The following METTL8 variants were observed in gnomAD, a reference collection of about 807,000 sequenced individuals.
The protein encoded by METTL8 is tRNA N(3)-cytidine methyltransferase METTL8, mitochondrial.
A neutral mutation model predicts 48.7 loss-of-function variants in METTL8; 32 were observed. The ratio of observed to expected loss-of-function variants is 0.66; its 90% CI spans 0.50 to 0.88. The LOEUF is 0.88. Among genes scored for constraint, METTL8 ranks in the 40% least tolerant of loss-of-function variants. The pLI, the probability that METTL8 is intolerant of heterozygous loss-of-function variation, is 0.00. For missense variants in METTL8, 464 were observed against 474.4 expected (o/e 0.98, Z 0.20); for synonymous variants, 136 against 157.1 (o/e 0.87, Z 1.01).
chr2:171,331,654 T>A (rs1014477565), intron 6 of METTL8, 150 bp downstream of exon 6: 1 of 585,458 alleles, frequency 1.7e-6, no homozygotes, highest in African/African-American at 1.9e-5. Context: ...TGACCCCAGG[T>A]GATCCACCCA....
chr2:171,374,164 G>A (rs532398302), intron 2 of METTL8, among the ~76,000 whole-genome samples: 23 of 152,168 alleles, frequency 1.5e-4, no homozygotes, highest in African/African-American at 3.1e-4. Flanking sequence ...GAGGTCCTTC[G>A]CATCCCTTGT....
chr2:171,341,162 T>C (rs1015210750), intron 3 of METTL8, among the ~76,000 whole-genome samples: 2 of 151,878 alleles, frequency 1.3e-5, no homozygotes, highest in African/African-American at 4.8e-5. Flanking sequence ...ACCCCATCTC[T>C]ACTAAAAATA....
chr2:171,321,399 G>A lies in METTL8; in HGVS notation c.*2773C>T, dbSNP rs1190281427. On this transcript the variant is annotated 3_prime_UTR_variant, in exon 10 of 10. Coordinates refer to ENST00000375258, the MANE Select transcript of METTL8 (RefSeq NM_001321154.2). Reference sequence around the variant, plus strand: ...CCTGAGTAGCTGGGACAACAGGTGCGTGCCACCATCACTGGCTAATTTTTG... The same window carrying A: ...CCTGAGTAGCTGGGACAACAGGTGCATGCCACCATCACTGGCTAATTTTTG... The A allele has an allele frequency of 2.6e-5, 4 of 152,116 alleles. No individual in the cohort carries two copies. The highest frequency in any genetic ancestry group is 2.1e-4 in the South Asian group (1 of 4,818). 9.4% of individuals were successfully genotyped at this position (152,116 alleles called of 1,614,324 possible).
intron 1 of METTL8, among the ~76,000 whole-genome samples, chr2:171,401,093 G>A (rs371265628): frequency 2.4e-4 from 37 of 152,178 alleles, no homozygotes; most frequent in African/African-American, 7.7e-4. Flanking sequence ...CTTTGTAACT[G>A]TTTAGCATTT....
chr2:171,391,997 A>G (rs1202240140), intron 2 of METTL8, 46 bp downstream of exon 2: 2 of 1,502,734 alleles, frequency 1.3e-6, no homozygotes, highest in Non-Finnish European at 9.0e-7. Flanking sequence ...ACCACTGGTG[A>G]TATTTAAGAA....
intron 2 of METTL8, among the ~76,000 whole-genome samples, chr2:171,381,102 C>T (rs112408837): frequency 6.6e-6 from 1 of 152,090 alleles, no homozygotes; most frequent in African/African-American, 2.4e-5. Flanking sequence ...AGAAATAAGT[C>T]CACACATCTA....
chr2:171,344,643 T>C (rs140833471), intron 3 of METTL8, among the ~76,000 whole-genome samples: 312 of 152,294 alleles, frequency 2.0e-3, no homozygotes, highest in African/African-American at 6.0e-3. Flanking sequence ...TGATGAGCAA[T>C]AGGAACATTA....
intron 2 of METTL8, among the ~76,000 whole-genome samples, chr2:171,390,033 C>A (rs1688443783): frequency 6.6e-6 from 1 of 152,176 alleles, no homozygotes; most frequent in Non-Finnish European, 1.5e-5. Context: ...AGGGCTAAGG[C>A]AGTTGGTGAC....
At position 171,342,164 on chromosome 2, in the gene METTL8, C is replaced by T. The variant is rs1028288917; in HGVS notation, c.236-2610G>A. ...GTCCTGAGGCCCTTATAATTTTCTT[C>T]TTTCCAATTTTATCTTTATGGCCTT... On this transcript the variant is annotated intron_variant, in intron 3 of 9. Coordinates refer to ENST00000375258, the MANE Select transcript of METTL8 (RefSeq NM_001321154.2). Among the ~76,000 whole-genome samples, 6 of 152,342 alleles carry T rather than the reference C, an allele frequency of 3.9e-5. No homozygotes were observed. The South Asian group carries it at 6.2e-4, about 16-fold the overall frequency.
chr2:171,351,147 A>G (rs988422787), intron 3 of METTL8, among the ~76,000 whole-genome samples: 5 of 152,142 alleles, frequency 3.3e-5, no homozygotes, highest in African/African-American at 1.2e-4. Context: ...TGTATAAGGT[A>G]TAAGGAAGGG....
chr2:171,423,208 G>A (rs1308901139), intron 1 of METTL8, among the ~76,000 whole-genome samples: 1 of 152,202 alleles, frequency 6.6e-6, no homozygotes, highest in Non-Finnish European at 1.5e-5. Context: ...GTGGAACTGT[G>A]AGACAATTAA....
Position 171,359,771 on chromosome 2 carries a change from A to C in METTL8, c.235+651T>G, listed in dbSNP as rs146274186. ...GAGACTACAGGCATGTGCCACCACGACCAGCTAATTTTTGTTATTTTTAGT... is the reference window on the plus strand; with the variant it reads ...GAGACTACAGGCATGTGCCACCACGCCCAGCTAATTTTTGTTATTTTTAGT... On this transcript the variant is annotated intron_variant, in intron 3 of 9. Coordinates refer to ENST00000375258, the MANE Select transcript of METTL8 (RefSeq NM_001321154.2). 1.9e-3 allele frequency among the ~76,000 whole-genome samples: 287 copies of C among 152,014 alleles called. 7 individuals carry two copies. The East Asian group carries it at 0.029, about 15-fold the overall frequency.
At position 171,316,554 on chromosome 2, in the gene METTL8, A is replaced by G. The variant is rs1684273644; in HGVS notation, c.*7618T>C. On this transcript the variant is annotated 3_prime_UTR_variant, in exon 10 of 10. Coordinates refer to ENST00000375258, the MANE Select transcript of METTL8 (RefSeq NM_001321154.2). ...GAGCCCAGGTGTTCTATTAAGAAAC[A>G]AAGCTGCAAATGAAGAGACATCTCA... 6.6e-6 allele frequency among the ~76,000 whole-genome samples: 1 copy of G among 152,232 alleles called. No homozygotes were observed. Among genetic ancestry groups the G allele is most frequent in the African/African-American group, 2.4e-5 (1 of 41,466 alleles).
At chr2:171,387,168 C>T (rs1688140990) in intron 2 of METTL8, among the ~76,000 whole-genome samples, 2 of 152,138 alleles carry the variant, frequency 1.3e-5, no homozygotes, top group African/African-American at 4.8e-5. Flanking sequence ...TGAGCTAACA[C>T]AAGCTGCCTA....
At position 171,317,120 on chromosome 2, in the gene METTL8, C is replaced by T. The variant is rs1043084214; in HGVS notation, c.*7052G>A. Among the ~76,000 whole-genome samples the T allele has an allele frequency of 6.6e-6, 1 of 152,134 alleles. No individual in the cohort carries two copies. Among genetic ancestry groups the T allele is most frequent in the Non-Finnish European group, 1.5e-5 (1 of 68,016 alleles). ...CCCACTAATGCAGTGGACTCAGCAG[C>T]GGGCTCATTGCTAATTTTAGGAAGT... On this transcript the variant is annotated 3_prime_UTR_variant, in exon 10 of 10. Transcript: ENST00000375258.
chr2:171,393,407 CAA>C (rs10629650), intron 1 of METTL8, among the ~76,000 whole-genome samples: 1 of 104,168 alleles, frequency 9.6e-6, no homozygotes. Flanking sequence ...TATAAAAAAG[CAA>C]AAAAAAAAAA....
At chr2:171,434,722 G>T, upstream of METTL8, 2 of 1,425,770 alleles carry the variant, frequency 1.4e-6, no homozygotes, top group Non-Finnish European at 1.8e-6. Context: ...CAGCCGGCCG[G>T]GGCGGGACGG....
At chr2:171,425,629 G>A (rs994471536) in intron 1 of METTL8, among the ~76,000 whole-genome samples, 1 of 152,202 alleles carries the variant, frequency 6.6e-6, no homozygotes, top group Non-Finnish European at 1.5e-5. Flanking sequence ...GTGAGTCGCA[G>A]ATGAGACCAC....
intron 7 of METTL8, among the ~76,000 whole-genome samples, chr2:171,327,383 C>T (rs1685063146): frequency 6.6e-6 from 1 of 152,210 alleles, no homozygotes; most frequent in African/African-American, 2.4e-5. Context: ...TCATAAAGCT[C>T]ATTGCGAGTT....
Sources: gnomAD v4.1 joint callset for allele counts (sites outside exome capture counted in the v4.1 genomes callset) on GRCh38, gnomAD v4.1.1 for gene constraint, MANE v1.5 for transcripts, NCBI Gene and HGNC (gene_info 2026-07-23, HGNC 2026-07-21) for gene names.